The following RNASE4 variants were observed in gnomAD, a reference collection of about 807,000 sequenced individuals.
RNASE4 encodes ribonuclease 4.
For synonymous variants in RNASE4, 93 were observed against 71.4 expected, an observed-to-expected ratio of 1.30 and a Z score of -1.52; for missense variants, 194 against 192.8, an observed-to-expected ratio of 1.01 and a Z score of -0.04.
chr14:20,692,738 CTCT>C (rs1886834629), intron 1 of RNASE4, among the ~76,000 whole-genome samples: 1 of 152,228 alleles, frequency 6.6e-6, no homozygotes, highest in Non-Finnish European at 1.5e-5. Context: ...CCCTAAAACT[CTCT>C]TCTTAGCTCT....
At chr14:20,695,179 G>A (rs925562197) in intron 1 of RNASE4, among the ~76,000 whole-genome samples, 13 of 152,110 alleles carry the variant, frequency 8.5e-5, no homozygotes, top group African/African-American at 2.7e-4. Flanking sequence ...GACAGATCAC[G>A]AGGTCAAGAG....
Position 20,699,538 on chromosome 14 carries a change from T to C in RNASE4, c.167T>C (p.Met56Thr), listed in dbSNP as rs995253873. Reference protein sequence around the residue: ...TGGSDRYCNLMMQRRKMTLYH... With the variant: ...TGGSDRYCNLTMQRRKMTLYH... ...GGCAGTGATCGCTACTGCAACTTGA[T>C]GATGCAAAGACGGAAGATGACTTTG... Residue 56 changes from methionine (M) to threonine (T), a missense_variant, in exon 2 of 2, where the codon ATG becomes ACG. Met to Thr is a moderately conservative substitution (Grantham distance 81). Coordinates refer to ENST00000555835, the MANE Select transcript of RNASE4 (RefSeq NM_002937.5). 1 of 1,614,112 alleles carries C rather than the reference T, an allele frequency of 6.2e-7. No individual in the cohort carries two copies. Among genetic ancestry groups the C allele is most frequent in the Admixed American group, 1.7e-5 (1 of 60,016 alleles).
intron 1 of RNASE4, among the ~76,000 whole-genome samples, chr14:20,691,428 C>T (rs137953457): frequency 1.3e-5 from 2 of 152,244 alleles, no homozygotes; most frequent in African/African-American, 4.8e-5. Flanking sequence ...GGAAACACAC[C>T]CAGGAGACTG....
chr14:20,694,099 A>T (rs924506738), intron 1 of RNASE4: 2 of 1,447,008 alleles, frequency 1.4e-6, no homozygotes, highest in Admixed American at 3.4e-5. Flanking sequence ...ATTCATTGCC[A>T]AGGGCCCAAA....
rs1430970923 is a variant in RNASE4 at position 20,700,501 on chromosome 14, T to TA, written c.*692dup. ...GAATCACCCTAGTAAGTCAAAGTACTAAAAAATGTACTAGATCATTAAGAC... is the reference window on the plus strand; with the variant it reads ...GAATCACCCTAGTAAGTCAAAGTACTAAAAAAATGTACTAGATCATTAAGAC... On this transcript the variant is annotated 3_prime_UTR_variant, in exon 2 of 2. Transcript: ENST00000555835. 1 of 167,112 alleles carries TA rather than the reference T, an allele frequency of 6.0e-6. No individual in the cohort carries two copies. Among genetic ancestry groups the TA allele is most frequent in the Non-Finnish European group, 1.5e-5 (1 of 68,124 alleles). 10.4% of individuals were successfully genotyped at this position (167,112 alleles called of 1,614,324 possible).
intron 1 of RNASE4, 118 bp from the exon 2 acceptor site, chr14:20,699,237 A>C (rs1887195453): frequency 1.3e-6 from 1 of 784,668 alleles, no homozygotes; most frequent in South Asian, 1.9e-5. Context: ...GAGATGGTGC[A>C]TATAAGAAGG....
chr14:20,690,239 A>AAAAG (rs1886666605), intron 1 of RNASE4, among the ~76,000 whole-genome samples: 4 of 149,734 alleles, frequency 2.7e-5, no homozygotes, highest in African/African-American at 9.9e-5. Flanking sequence ...AAAAAAAAAA[A>AAAAG]AAAAAAAAAG....
chr14:20,690,295 C>G (rs187607180), intron 1 of RNASE4, among the ~76,000 whole-genome samples: 1 of 149,016 alleles, frequency 6.7e-6, no homozygotes, highest in African/African-American at 2.5e-5. Context: ...ACTAATTCCA[C>G]TGACAAAAAG....
intron 1 of RNASE4, among the ~76,000 whole-genome samples, chr14:20,698,161 C>CT (rs1242300353): frequency 6.6e-6 from 1 of 151,640 alleles, no homozygotes; most frequent in East Asian, 1.9e-4. Context: ...CATGGCAATG[C>CT]TTTTTTTGTT....
At chr14:20,693,423 T>C in intron 1 of RNASE4, 4 of 1,280,428 alleles carry the variant, frequency 3.1e-6, no homozygotes, top group Admixed American at 1.8e-5. Flanking sequence ...AAATAGAATA[T>C]AAAATTTGGT....
At chr14:20,699,278 C>T (rs1307982270) in intron 1 of RNASE4, 77 bp from the exon 2 acceptor site, 10 of 1,264,766 alleles carry the variant, frequency 7.9e-6, no homozygotes, top group Admixed American at 2.3e-5. Flanking sequence ...GTCAGGATGC[C>T]GGCTTGCTAT....
chr14:20,698,588 CT>C (rs1303194469), intron 1 of RNASE4, among the ~76,000 whole-genome samples: 1 of 152,092 alleles, frequency 6.6e-6, no homozygotes, highest in African/African-American at 2.4e-5. Flanking sequence ...CTTCTAAGAA[CT>C]GTAACTGGGT....
chr14:20,687,499 T>C (rs1224808910), intron 1 of RNASE4, among the ~76,000 whole-genome samples: 1 of 152,132 alleles, frequency 6.6e-6, no homozygotes, highest in Non-Finnish European at 1.5e-5. Flanking sequence ...CGCATATGGG[T>C]TGTATGCTGT....
intron 1 of RNASE4, among the ~76,000 whole-genome samples, chr14:20,691,953 C>T (rs1363577389): frequency 6.6e-6 from 1 of 152,220 alleles, no homozygotes; most frequent in Non-Finnish European, 1.5e-5. Context: ...GGACCCATGG[C>T]CTTTTTTTAA....
chr14:20,693,517 G>A (rs748667494), intron 1 of RNASE4: 19 of 1,606,218 alleles, frequency 1.2e-5, no homozygotes, highest in Non-Finnish European at 1.4e-5. Flanking sequence ...CTGTTCTTGG[G>A]TCTACCACAC....
intron 1 of RNASE4, chr14:20,694,156 A>G (rs1886987417): frequency 2.5e-6 from 2 of 815,752 alleles, no homozygotes; most frequent in Non-Finnish European, 4.1e-6. Flanking sequence ...AACATGTTTA[A>G]TAAATAAAAA....
intron 1 of RNASE4, among the ~76,000 whole-genome samples, chr14:20,696,748 A>T (rs1594213002): frequency 6.6e-6 from 1 of 152,162 alleles, no homozygotes; most frequent in South Asian, 2.1e-4. Flanking sequence ...AAAAAAATGC[A>T]GTAATTGCCA....
chr14:20,688,749 A>G lies in RNASE4; in HGVS notation c.-18+3991A>G, dbSNP rs190733042. ...TGGGACACTATATATTAGGAACACT[A>G]TATAATCAGAACCTGGAGAGGCCTC... On this transcript the variant is annotated intron_variant, in intron 1 of 1. Transcript: ENST00000555835. 1.7e-4 allele frequency: 168 copies of G among 985,286 alleles called. 1 individual carries two copies. In the African/African-American group the frequency reaches 2.2e-3, roughly 13 times the overall value. The allele number at this position is 985,286 out of a possible 1,614,324, so 61.0% of individuals were successfully genotyped here.
intron 1 of RNASE4, chr14:20,694,061 C>T (rs767236136): frequency 5.9e-5 from 94 of 1,599,682 alleles, no homozygotes; most frequent in Non-Finnish European, 7.9e-5. Flanking sequence ...TTCCATTTCC[C>T]CTCTGCACCC....
Sources: gnomAD v4.1 joint callset for allele counts (sites outside exome capture counted in the v4.1 genomes callset) on GRCh38, gnomAD v4.1.1 for gene constraint, MANE v1.5 for transcripts, NCBI Gene and HGNC (gene_info 2026-07-23, HGNC 2026-07-21) for gene names.